UST: variants seen among roughly 807,000 people sequenced by gnomAD.
The protein encoded by UST is uronyl 2-sulfotransferase.
A neutral mutation model predicts 45.6 loss-of-function variants in UST; 21 were observed. That is an observed-to-expected ratio of 0.46 (90% CI 0.33 to 0.66). The LOEUF (loss-of-function observed/expected upper bound fraction) is 0.66. UST is among the 30% of genes least tolerant of loss of function. The probability of loss-of-function intolerance (pLI) is 0.02; values close to 1 mark genes in which losing one functional copy is unlikely to be tolerated. For missense variants in UST, 463 were observed against 512.4 expected (o/e 0.90, Z 0.93); for synonymous variants, 215 against 200.6 (o/e 1.07, Z -0.61).
At chr6:149,024,425 G>GC (rs2115021543) in intron 7 of UST, among the ~76,000 whole-genome samples, 1 of 152,254 alleles carries the variant, frequency 6.6e-6, no homozygotes, top group Non-Finnish European at 1.5e-5. Flanking sequence ...CTTCTACTGT[G>GC]TTTTGTGTTC....
intron 1 of UST, among the ~76,000 whole-genome samples, chr6:148,873,128 T>C (rs1202700208): frequency 1.3e-5 from 2 of 152,236 alleles, no homozygotes; most frequent in African/African-American, 4.8e-5. Context: ...GATGCTGAAA[T>C]TTCTTGCAAT....
rs974375230 is a variant in UST, at chr6:148,790,699, G to A, written c.247+43022G>A. ...GCCCCGTGTGGAAGGAAACCTCCTCGCCCAAGGTTATGCCTCTCCTCTCGG... is the reference window on the plus strand; with the variant it reads ...GCCCCGTGTGGAAGGAAACCTCCTCACCCAAGGTTATGCCTCTCCTCTCGG... On this transcript the variant is annotated intron_variant, in intron 1 of 7. Transcript: ENST00000367463. The surrounding 1 kb of genome is among the most constrained non-coding windows in gnomAD (Gnocchi z 4.2). 1.3e-5 allele frequency among the ~76,000 whole-genome samples: 2 copies of A among 152,142 alleles called. No homozygotes were observed. The highest frequency in any genetic ancestry group is 4.8e-5 in the African/African-American group (2 of 41,434).
chr6:148,942,933 C>T (rs542683402), intron 3 of UST, among the ~76,000 whole-genome samples: 2 of 152,238 alleles, frequency 1.3e-5, no homozygotes, highest in African/African-American at 4.8e-5. Context: ...TAAGGTTATA[C>T]CTTGTAGGTT....
intron 1 of UST, among the ~76,000 whole-genome samples, chr6:148,813,992 C>T (rs1477373955): frequency 6.6e-6 from 1 of 152,144 alleles, no homozygotes; most frequent in Non-Finnish European, 1.5e-5. Context: ...CTGTAAAAAT[C>T]TTTTCGGCCT....
rs751939500 is a variant in UST at position 148,789,426 on chromosome 6, A to ATC, written c.247+41776_247+41777dup. Among the ~76,000 whole-genome samples, 1,139 of 143,584 alleles carry ATC rather than the reference A, an allele frequency of 7.9e-3. 14 individuals carry two copies. Among genetic ancestry groups the ATC allele is most frequent in the South Asian group, 0.024 (103 of 4,344 alleles). The allele number at this position is 143,584 out of a possible 152,430, so 94.2% of individuals were successfully genotyped here. On this transcript the variant is annotated intron_variant, in intron 1 of 7. Coordinates refer to ENST00000367463, the MANE Select transcript of UST (RefSeq NM_005715.3). ...GCAAGGATCTAGAGTTCTTGTGCAG[A>ATC]TCTCTCTCTCTCTCTCTCTCTCTCT...
chr6:149,073,106 G>T lies in UST; in HGVS notation c.938-727G>T, dbSNP rs537823661. ...GTATAAAATTAAGCATATTTTAGTT[G>T]TATATATTTTACCACAATAAAAAAT... is the stretch of plus-strand genomic sequence containing the variant. On this transcript the variant is annotated intron_variant, in intron 7 of 7. Transcript: ENST00000367463. Among the ~76,000 whole-genome samples the T allele has an allele frequency of 1.2e-4, 19 of 152,168 alleles. No homozygotes were observed. The East Asian group carries it at 3.7e-3, about 29-fold the overall frequency.
chr6:149,017,799 TACACACACACACACACAC>T (rs10533222), intron 5 of UST, among the ~76,000 whole-genome samples: 20 of 148,914 alleles, frequency 1.3e-4, no homozygotes, highest in South Asian at 4.3e-4. Context: ...TATCCATATA[TACACACACACACACACAC>T]ACACACACAC....
intron 1 of UST, among the ~76,000 whole-genome samples, chr6:148,757,930 A>G (rs1776127534): frequency 6.6e-6 from 1 of 152,242 alleles, no homozygotes; most frequent in Non-Finnish European, 1.5e-5. Context: ...GAATAATTTT[A>G]TTAACTTCTC....
chr6:148,822,863 A>T (rs1777492559), intron 1 of UST, among the ~76,000 whole-genome samples: 1 of 152,244 alleles, frequency 6.6e-6, no homozygotes, highest in Non-Finnish European at 1.5e-5. Flanking sequence ...TGTGTGTGTA[A>T]AGAATAAATA....
chr6:148,881,686 C>T (rs1400092807), intron 1 of UST, among the ~76,000 whole-genome samples: 1 of 152,110 alleles, frequency 6.6e-6, no homozygotes, highest in Admixed American at 6.5e-5. Flanking sequence ...GAGTTTGGGG[C>T]TGCCCTTCCA....
At chr6:148,868,183 G>A (rs1006637957) in intron 1 of UST, among the ~76,000 whole-genome samples, 16 of 152,186 alleles carry the variant, frequency 1.1e-4, no homozygotes, top group Non-Finnish European at 2.1e-4. Context: ...TTTATTTTTA[G>A]TAAGGATAGA....
intron 5 of UST, among the ~76,000 whole-genome samples, chr6:148,972,609 C>T (rs1388830965): frequency 2.0e-5 from 3 of 152,244 alleles, no homozygotes; most frequent in South Asian, 2.1e-4. Flanking sequence ...GCAAGGGCCG[C>T]CAGAGCACAG....
chr6:149,056,068 GTATCCA>G (rs1308259274), intron 7 of UST, among the ~76,000 whole-genome samples: 2 of 143,588 alleles, frequency 1.4e-5, no homozygotes, highest in Non-Finnish European at 3.0e-5. Context: ...TAGTATATCA[GTATCCA>G]TATCAAACAT....
chr6:148,920,856 T>C (rs763779419), intron 2 of UST, among the ~76,000 whole-genome samples: 2 of 152,232 alleles, frequency 1.3e-5, no homozygotes, highest in Non-Finnish European at 2.9e-5. Flanking sequence ...AGACTGGGAC[T>C]CTTTAAGAGA....
At chr6:148,756,323 G>C (rs1000890003) in intron 1 of UST, among the ~76,000 whole-genome samples, 5 of 152,054 alleles carry the variant, frequency 3.3e-5, no homozygotes, top group African/African-American at 1.2e-4. Flanking sequence ...AGTTTCTTGA[G>C]GCATACCCAG....
At chr6:149,018,681 T>A (rs1775939736) in intron 5 of UST, among the ~76,000 whole-genome samples, 2 of 152,210 alleles carry the variant, frequency 1.3e-5, no homozygotes, top group Admixed American at 1.3e-4. Flanking sequence ...TCCTCTAAAA[T>A]TTGCAAACTC....
At chr6:148,900,388 T>A (rs1247510036) in intron 2 of UST, among the ~76,000 whole-genome samples, 1 of 152,160 alleles carries the variant, frequency 6.6e-6, no homozygotes, top group Non-Finnish European at 1.5e-5. Context: ...AGGGACCCAG[T>A]GGGAGGCAAT....
intron 7 of UST, among the ~76,000 whole-genome samples, chr6:149,040,219 A>AT (rs1776292339): frequency 6.6e-6 from 1 of 152,162 alleles, no homozygotes. Flanking sequence ...GTTTGATTCC[A>AT]TTTGTATATC....
intron 2 of UST, among the ~76,000 whole-genome samples, chr6:148,913,887 T>C (rs1779529147): frequency 6.6e-6 from 1 of 152,228 alleles, no homozygotes; most frequent in Admixed American, 6.5e-5. Context: ...ACATTAATCT[T>C]CTAGCTGCAC....
Sources: gnomAD v4.1 joint callset for allele counts (sites outside exome capture counted in the v4.1 genomes callset) on GRCh38, gnomAD v4.1.1 for gene constraint, Gnocchi (gnomAD v3.1) non-coding constraint, MANE v1.5 for transcripts, NCBI Gene and HGNC (gene_info 2026-07-23, HGNC 2026-07-21) for gene names.